The following OTUD7A variants were observed in gnomAD, a reference collection of about 807,000 sequenced individuals.
OTUD7A encodes OTU domain-containing protein 7A.
OTUD7A carries 12 observed loss-of-function variants against 65.7 expected under a neutral mutation model. That is an observed-to-expected ratio of 0.18 (90% confidence interval 0.12 to 0.30). The LOEUF (loss-of-function observed/expected upper bound fraction) is 0.30, where lower values mean the gene tolerates loss of function less well. OTUD7A is among the 10% of genes least tolerant of loss of function. The probability of loss-of-function intolerance (pLI) is 1.00; values close to 1 mark genes in which losing one functional copy is unlikely to be tolerated. For synonymous variants in OTUD7A, 641 were observed against 586.3 expected, an observed-to-expected ratio of 1.09 and a Z score of -1.35; for missense variants, 1,148 against 1,304.8, an observed-to-expected ratio of 0.88 and a Z score of 1.85.
chr15:31,622,063 CT>C (rs1308846823), intron 3 of OTUD7A, among the ~76,000 whole-genome samples: 1 of 152,056 alleles, frequency 6.6e-6, no homozygotes, highest in Admixed American at 6.5e-5. Flanking sequence ...GTTGAAAATT[CT>C]TTTCTTTAAC....
intron 3 of OTUD7A, among the ~76,000 whole-genome samples, chr15:31,645,444 C>G (rs1040330584): frequency 6.6e-6 from 1 of 152,154 alleles, no homozygotes; most frequent in African/African-American, 2.4e-5. Context: ...CATCTACTAT[C>G]CAGGTTTAAT....
chr15:31,652,248 G>T (rs1891861960), intron 3 of OTUD7A, among the ~76,000 whole-genome samples: 1 of 152,050 alleles, frequency 6.6e-6, no homozygotes, highest in South Asian at 2.1e-4. Context: ...AAAGAAGGAG[G>T]ATATTTTCTA....
At chr15:31,526,251 T>A (rs1595583885) in intron 8 of OTUD7A, 98 bp downstream of exon 8, 1 of 1,190,602 alleles carries the variant, frequency 8.4e-7, no homozygotes, top group East Asian at 2.7e-5. Context: ...AGCACAAGAG[T>A]CCCACATTCC....
chr15:31,772,735 T>C (rs1236783045), intron 1 of OTUD7A, among the ~76,000 whole-genome samples: 4 of 152,244 alleles, frequency 2.6e-5, no homozygotes, highest in South Asian at 2.1e-4. Context: ...AAGAAAAATA[T>C]ATTCCTTTTA....
intron 3 of OTUD7A, among the ~76,000 whole-genome samples, chr15:31,610,606 TATATATATA>T (rs1890377262): frequency 2.1e-5 from 1 of 46,752 alleles, no homozygotes; most frequent in Non-Finnish European, 3.9e-5. Flanking sequence ...TATATATATA[TATATATATA>T]TATTTTTTTT....
At chr15:31,577,017 T>C (rs920089717) in intron 3 of OTUD7A, among the ~76,000 whole-genome samples, 1 of 152,074 alleles carries the variant, frequency 6.6e-6, no homozygotes, top group African/African-American at 2.4e-5. Flanking sequence ...CCAAACAGAC[T>C]GTGTAGCAAT....
chr15:31,806,047 T>A (rs1347555977), intron 1 of OTUD7A, among the ~76,000 whole-genome samples: 1 of 152,240 alleles, frequency 6.6e-6, no homozygotes, highest in Non-Finnish European at 1.5e-5. Context: ...AGGAATTACA[T>A]TCCAACTAAT....
chr15:31,597,597 C>T (rs918816348), intron 3 of OTUD7A, among the ~76,000 whole-genome samples: 4 of 152,134 alleles, frequency 2.6e-5, no homozygotes, highest in South Asian at 2.1e-4. Flanking sequence ...CTGGGATACA[C>T]GGTCTCTGTG....
At chr15:31,636,835 C>G (rs560454702) in intron 3 of OTUD7A, among the ~76,000 whole-genome samples, 34 of 152,268 alleles carry the variant, frequency 2.2e-4, no homozygotes, top group African/African-American at 7.5e-4. Context: ...TTCCCTTAAG[C>G]CAAAGCCTAA....
chr15:31,701,112 C>A (rs1017978666), intron 1 of OTUD7A, among the ~76,000 whole-genome samples: 5 of 152,350 alleles, frequency 3.3e-5, no homozygotes, highest in African/African-American at 1.2e-4. Context: ...GACTCAGGAA[C>A]TGTCGCAGAT....
intron 1 of OTUD7A, among the ~76,000 whole-genome samples, chr15:31,790,461 T>C (rs1895785120): frequency 1.3e-5 from 2 of 152,286 alleles, no homozygotes; most frequent in South Asian, 4.1e-4. Context: ...ATTCAAAAAC[T>C]AGAATTGCTT....
chr15:31,590,303 T>C (rs1203407411), intron 3 of OTUD7A, among the ~76,000 whole-genome samples: 1 of 152,258 alleles, frequency 6.6e-6, no homozygotes, highest in African/African-American at 2.4e-5. Context: ...AAGTGAACTT[T>C]AATATTTGTG....
chr15:31,744,694 G>A (rs999232167), intron 1 of OTUD7A, among the ~76,000 whole-genome samples: 1 of 152,046 alleles, frequency 6.6e-6, no homozygotes, highest in Non-Finnish European at 1.5e-5. Context: ...TGTAGCCAGT[G>A]CAATAAAGTA....
Position 31,860,677 on chromosome 15 carries a change from G to GTATATATA in OTUD7A, c.-100+9822_-100+9829dup, listed in dbSNP as rs1555425282. 7.8e-4 allele frequency among the ~76,000 whole-genome samples: 57 copies of GTATATATA among 73,274 alleles called. 1 individual carries two copies. The highest frequency in any genetic ancestry group is 1.9e-3 in the African/African-American group (42 of 21,626). 48.1% of individuals were successfully genotyped at this position (73,274 alleles called of 152,430 possible). On this transcript the variant is annotated intron_variant, in intron 1 of 12. Coordinates refer to ENST00000307050, the MANE Select transcript of OTUD7A (RefSeq NM_001382637.1). ...TGTGTGTATATATAGATGTATGTGT[G>GTATATATA]TATATATATATATATATATATATGT...
intron 1 of OTUD7A, among the ~76,000 whole-genome samples, chr15:31,859,382 C>T (rs1242220776): frequency 1.3e-5 from 2 of 152,202 alleles, no homozygotes; most frequent in Non-Finnish European, 2.9e-5. Context: ...GTCTATAATA[C>T]ATTGTTATTA....
intron 2 of OTUD7A, among the ~76,000 whole-genome samples, chr15:31,656,214 C>A (rs1034833321): frequency 6.6e-6 from 1 of 152,190 alleles, no homozygotes; most frequent in African/African-American, 2.4e-5. Flanking sequence ...TGGGGAAAAG[C>A]AACTGTGACA....
intron 8 of OTUD7A, among the ~76,000 whole-genome samples, chr15:31,524,391 TGG>T (rs144332507): frequency 0.11 from 16,793 of 152,158 alleles, 1,749 homozygotes; most frequent in African/African-American, 0.28. Context: ...ATCATTTTTG[TGG>T]GGTCTTGGAA....
rs115683641 is a variant in OTUD7A, at chr15:31,659,745, G to A, written c.-99-2668C>T. On this transcript the variant is annotated intron_variant, in intron 1 of 12. Coordinates refer to ENST00000307050, the MANE Select transcript of OTUD7A (RefSeq NM_001382637.1). Reference sequence around the variant, plus strand: ...GAGCCTGACCTCAGAGAGGGCCAGCGAGGGCCACGGGAAGGGGCACACAAG... The same window carrying A: ...GAGCCTGACCTCAGAGAGGGCCAGCAAGGGCCACGGGAAGGGGCACACAAG... 2.9e-3 allele frequency among the ~76,000 whole-genome samples: 436 copies of A among 152,348 alleles called. 5 individuals carry two copies. The highest frequency in any genetic ancestry group is 0.01 in the African/African-American group (419 of 41,584).
intron 1 of OTUD7A, among the ~76,000 whole-genome samples, chr15:31,738,847 A>G (rs1379140183): frequency 6.6e-6 from 1 of 152,220 alleles, no homozygotes; most frequent in African/African-American, 2.4e-5. Context: ...ATTACTCTTC[A>G]GCGGACGATT....
Sources: gnomAD v4.1 joint callset for allele counts (sites outside exome capture counted in the v4.1 genomes callset) on GRCh38, gnomAD v4.1.1 for gene constraint, MANE v1.5 for transcripts, NCBI Gene and HGNC (gene_info 2026-07-23, HGNC 2026-07-21) for gene names.